The following PHIP variants were observed in gnomAD, a reference collection of about 807,000 sequenced individuals.
PHIP encodes the protein PHIP subunit of CUL4-Ring ligase complex.
PHIP carries 54 observed loss-of-function variants against 236.8 expected under a neutral mutation model. That is an observed-to-expected ratio of 0.23 (90% CI 0.18 to 0.29). PHIP has a LOEUF of 0.29. Among genes scored for constraint, PHIP ranks in the 10% least tolerant of loss-of-function variants. The pLI, the probability that PHIP is intolerant of heterozygous loss-of-function variation, is 1.00. For missense variants in PHIP, 1,370 were observed against 2,190.8 expected, an observed-to-expected ratio of 0.63 and a Z score of 7.48; for synonymous variants, 756 against 718.9, an observed-to-expected ratio of 1.05 and a Z score of -0.83.
intron 24 of PHIP, among the ~76,000 whole-genome samples, chr6:78,976,284 C>G (rs965549271): frequency 2.7e-5 from 4 of 148,686 alleles, no homozygotes; most frequent in African/African-American, 7.4e-5. Context: ...AAAGGATTCC[C>G]TATTTAATAA....
At chr6:78,989,640 C>T (rs188524695) in intron 20 of PHIP, among the ~76,000 whole-genome samples, 111 of 152,232 alleles carry the variant, frequency 7.3e-4, no homozygotes, top group Non-Finnish European at 1.5e-3. Context: ...CATGCACACA[C>T]ATACATATAT....
chr6:78,942,993 A>G (rs543917697), intron 39 of PHIP, among the ~76,000 whole-genome samples: 1 of 152,340 alleles, frequency 6.6e-6, no homozygotes, highest in Admixed American at 6.5e-5. Flanking sequence ...TCCTGGGCAC[A>G]TGAAAAGTTA....
intron 9 of PHIP, among the ~76,000 whole-genome samples, chr6:79,023,688 G>T (rs1004775165): frequency 2.6e-5 from 4 of 151,854 alleles, no homozygotes; most frequent in African/African-American, 9.7e-5. Flanking sequence ...CTGTATTAGG[G>T]TAGTGGTTTA....
chr6:79,059,626 A>ATATATATATATATATATAT lies in PHIP; in HGVS notation c.439+851_439+852insATATATATATATATATATA, dbSNP rs1562216785. 1.6e-3 allele frequency among the ~76,000 whole-genome samples: 67 copies of ATATATATATATATATATAT among 43,166 alleles called. 1 individual carries two copies. Among genetic ancestry groups the ATATATATATATATATATAT allele is most frequent in the South Asian group, 2.6e-3 (2 of 770 alleles). 28.3% of individuals were successfully genotyped at this position (43,166 alleles called of 152,430 possible). A position where few individuals can be genotyped will look rare whatever the true frequency, so the allele number is the denominator to read the frequency against. On this transcript the variant is annotated intron_variant, in intron 6 of 39. Coordinates refer to ENST00000275034, the MANE Select transcript of PHIP (RefSeq NM_017934.7). ...ATATATATATATATATATATATATA[A>ATATATATATATATATATAT]AAATGCCAAACAAAAGTCATATAAA...
intron 6 of PHIP, among the ~76,000 whole-genome samples, chr6:79,050,125 T>TA (rs551243000): frequency 9.7e-5 from 14 of 144,756 alleles, no homozygotes; most frequent in East Asian, 4.0e-4. Context: ...ATCTGACGAT[T>TA]AAAAAAAAAA....
intron 24 of PHIP, among the ~76,000 whole-genome samples, chr6:78,972,186 C>T (rs539567191): frequency 8.7e-4 from 130 of 148,934 alleles, no homozygotes; most frequent in African/African-American, 2.7e-3. Flanking sequence ...GATATGAGAA[C>T]GGGCAGACTG....
At chr6:78,960,671 T>G (rs1766714175) in intron 31 of PHIP, among the ~76,000 whole-genome samples, 1 of 152,062 alleles carries the variant, frequency 6.6e-6, no homozygotes, top group Non-Finnish European at 1.5e-5. Flanking sequence ...TTTATTCCAG[T>G]GGTTCTCAAT....
intron 15 of PHIP, among the ~76,000 whole-genome samples, chr6:79,013,798 TA>T (rs1293914858): frequency 6.6e-6 from 1 of 151,738 alleles, no homozygotes; most frequent in African/African-American, 2.4e-5. Flanking sequence ...ACAAAACTAC[TA>T]AATGAAGCCA....
At chr6:79,068,824 A>AT (rs1582319586) in intron 4 of PHIP, among the ~76,000 whole-genome samples, 1 of 152,220 alleles carries the variant, frequency 6.6e-6, no homozygotes, top group Non-Finnish European at 1.5e-5. Flanking sequence ...CATTCCAATT[A>AT]TTTGATTTAG....
chr6:78,984,139 A>C (rs566737624), intron 22 of PHIP, among the ~76,000 whole-genome samples: 1 of 152,154 alleles, frequency 6.6e-6, no homozygotes, highest in African/African-American at 2.4e-5. Flanking sequence ...AACCCTCCCC[A>C]CTACCCCTCT....
At chr6:78,953,344 T>C (rs576643633) in intron 35 of PHIP, among the ~76,000 whole-genome samples, 54 of 152,352 alleles carry the variant, frequency 3.5e-4, no homozygotes, top group African/African-American at 1.3e-3. Flanking sequence ...ATAGTGTTAA[T>C]ACTTGTGCCT....
chr6:79,052,437 A>G (rs1276017989), intron 6 of PHIP, among the ~76,000 whole-genome samples: 1 of 152,236 alleles, frequency 6.6e-6, no homozygotes, highest in Non-Finnish European at 1.5e-5. Context: ...CGGACTATAT[A>G]GAGTGCTTTC....
intron 21 of PHIP, 29 bp downstream of exon 21, chr6:78,988,180 T>A: frequency 6.8e-7 from 1 of 1,464,724 alleles, no homozygotes; most frequent in Non-Finnish European, 9.2e-7. Flanking sequence ...AAAAATGACA[T>A]CTAATTTATG....
intron 29 of PHIP, 35 bp from the exon 30 acceptor site, chr6:78,963,287 G>C: frequency 6.5e-7 from 1 of 1,544,692 alleles, no homozygotes; most frequent in Non-Finnish European, 8.8e-7. Flanking sequence ...CAAATACATG[G>C]TAACTTATTA....
At chr6:78,952,738 T>C (rs1766127718) in intron 35 of PHIP, among the ~76,000 whole-genome samples, 1 of 152,190 alleles carries the variant, frequency 6.6e-6, no homozygotes, top group South Asian at 2.1e-4. Context: ...TTCTATTTAG[T>C]TGATTTTAAT....
At chr6:79,001,834 A>C (rs955862602) in intron 17 of PHIP, 65 bp downstream of exon 17, 1 of 1,017,202 alleles carries the variant, frequency 9.8e-7, no homozygotes, top group African/African-American at 1.6e-5. Context: ...GTTTTACTCA[A>C]TTAGCAATTT....
At chr6:78,979,748 ATGAT>A (rs980218076) in intron 23 of PHIP, among the ~76,000 whole-genome samples, 11 of 152,136 alleles carry the variant, frequency 7.2e-5, no homozygotes, top group African/African-American at 2.4e-4. Context: ...AACATTAAAA[ATGAT>A]TGTACACTAA....
chr6:78,963,055 G>A lies in PHIP; in HGVS notation c.3535+42C>T, dbSNP rs369965806. ...TAACAGTATTTTTCCATTACTTTGT[G>A]TTCTGCCAGTTTTTTCTATACTCGC... On this transcript the variant is annotated intron_variant, in intron 30 of 39. Coordinates refer to ENST00000275034, the MANE Select transcript of PHIP (RefSeq NM_017934.7). 4.6e-6 allele frequency: 7 copies of A among 1,524,662 alleles called. No homozygotes were observed. In the East Asian group the frequency reaches 1.4e-4, roughly 31 times the overall value. 94.4% of individuals were successfully genotyped at this position (1,524,662 alleles called of 1,614,324 possible).
At chr6:79,040,993 G>A (rs1772182014) in intron 7 of PHIP, among the ~76,000 whole-genome samples, 2 of 151,948 alleles carry the variant, frequency 1.3e-5, no homozygotes, top group African/African-American at 2.4e-5. Flanking sequence ...CTTCCTCTTC[G>A]CATATTATTC....
Sources: allele counts gnomAD v4.1 joint callset (sites outside exome capture counted in the v4.1 genomes callset), GRCh38; gene constraint gnomAD v4.1.1; transcripts MANE v1.5; gene names NCBI Gene and HGNC (gene_info 2026-07-23, HGNC 2026-07-21).